MAL2: variants seen among roughly 807,000 people sequenced by gnomAD.
MAL2 encodes the protein protein MAL2.
A neutral mutation model predicts 18.1 loss-of-function variants in MAL2; 17 were observed. The ratio of observed to expected loss-of-function variants is 0.94; its 90% CI spans 0.64 to 1.41. The LOEUF is 1.41. Ranked by LOEUF, MAL2 falls within the 40% of genes most tolerant of loss-of-function variation. The pLI, the probability that MAL2 is intolerant of heterozygous loss-of-function variation, is 0.00. For missense variants in MAL2, 222 were observed against 231.9 expected, an observed-to-expected ratio of 0.96 and a Z score of 0.28; for synonymous variants, 102 against 102.3, an observed-to-expected ratio of 1.00 and a Z score of 0.02.
At chr8:119,218,526 T>A (rs1817397925) in intron 1 of MAL2, among the ~76,000 whole-genome samples, 1 of 152,140 alleles carries the variant, frequency 6.6e-6, no homozygotes, top group Non-Finnish European at 1.5e-5. Flanking sequence ...CAGAACACAC[T>A]GTGTTGAGCT....
Position 119,208,771 on chromosome 8 carries a change from C to T in MAL2, c.132+167C>T. The T allele has an allele frequency of 9.3e-7, 1 of 1,079,456 alleles. No individual in the cohort carries two copies. Among genetic ancestry groups the T allele is most frequent in the Non-Finnish European group, 1.2e-6 (1 of 853,180 alleles). The allele number at this position is 1,079,456 out of a possible 1,614,324, so 66.9% of individuals were successfully genotyped here. On this transcript the variant is annotated intron_variant, in intron 1 of 3. Transcript: ENST00000614891. This position sits in a 1 kb window ranked among gnomAD's most constrained non-coding sequence, Gnocchi z 4.3. ...TCCTCTCGGTGCCCCGCGCCGCCGCCCGGGCCCTCCCTCCTAGCACCTGTT... is the reference window on the plus strand; with the variant it reads ...TCCTCTCGGTGCCCCGCGCCGCCGCTCGGGCCCTCCCTCCTAGCACCTGTT...
chr8:119,217,301 T>C (rs1399686022), intron 1 of MAL2, among the ~76,000 whole-genome samples: 1 of 152,204 alleles, frequency 6.6e-6, no homozygotes. Context: ...GTTTTAGGAA[T>C]GTGTAGCAAT....
In MAL2 at chr8:119,232,483, A is replaced by G. The variant is rs574214679; in HGVS notation, c.304-7682A>G. ...GTGTTGATGGTATATTAATTCAGGT[A>G]AGACAATATGAACTGTAATAGTGTT... On this transcript the variant is annotated intron_variant, in intron 2 of 3. Transcript: ENST00000614891. Among the ~76,000 whole-genome samples the G allele has an allele frequency of 1.8e-3, 270 of 152,328 alleles. 1 individual carries two copies. Among genetic ancestry groups the G allele is most frequent in the Non-Finnish European group, 3.4e-3 (232 of 68,006 alleles).
chr8:119,237,827 A>G (rs1817943858), intron 2 of MAL2, among the ~76,000 whole-genome samples: 1 of 152,092 alleles, frequency 6.6e-6, no homozygotes, highest in African/African-American at 2.4e-5. Flanking sequence ...CCCACAGCCA[A>G]TATCATACTG....
intron 2 of MAL2, among the ~76,000 whole-genome samples, chr8:119,235,063 A>T (rs1256092530): frequency 2.6e-5 from 4 of 151,674 alleles, no homozygotes; most frequent in Non-Finnish European, 5.9e-5. Flanking sequence ...AACTTTGAAA[A>T]AAATTTAGAA....
Position 119,242,602 on chromosome 8 carries a change from A to G in MAL2, c.460-815A>G, listed in dbSNP as rs1233217149. Among the ~76,000 whole-genome samples the G allele has an allele frequency of 3.9e-5, 6 of 152,322 alleles. No homozygotes were observed. In the East Asian group the frequency reaches 9.7e-4, roughly 25 times the overall value. On this transcript the variant is annotated intron_variant, in intron 3 of 3. Transcript: ENST00000614891. The stretch of plus-strand genomic sequence containing the variant: ...TCTAGATTAGAAATGTATCAGAGAA[A>G]AAATCAGCAGAAGAAGGGTGGAAAG...
chr8:119,228,201 CT>C (rs1817636709), intron 2 of MAL2, among the ~76,000 whole-genome samples: 1 of 152,138 alleles, frequency 6.6e-6, no homozygotes, highest in African/African-American at 2.4e-5. Context: ...GGTAACTCCT[CT>C]TCCTGCCTTT....
rs1329548055 is a variant in MAL2 at position 119,208,836 on chromosome 8, T to C, written c.132+232T>C. The C allele has an allele frequency of 7.3e-6, 4 of 544,994 alleles. No individual in the cohort carries two copies. The highest frequency in any genetic ancestry group is 1.1e-5 in the Non-Finnish European group (4 of 375,972). The allele number at this position is 544,994 out of a possible 1,614,324, so 33.8% of individuals were successfully genotyped here. On this transcript the variant is annotated intron_variant, in intron 1 of 3. Coordinates refer to ENST00000614891, the MANE Select transcript of MAL2 (RefSeq NM_052886.3). This position sits in a 1 kb window ranked among gnomAD's most constrained non-coding sequence, Gnocchi z 4.3. ...TCCCCCGCGGGCGACGGAAATTGCCTGGGGAGGGCGAGTAGGCGGCCCGGC... is the reference window on the plus strand; with the variant it reads ...TCCCCCGCGGGCGACGGAAATTGCCCGGGGAGGGCGAGTAGGCGGCCCGGC...
chr8:119,212,194 C>T (rs1427750619), intron 1 of MAL2, among the ~76,000 whole-genome samples: 2 of 152,192 alleles, frequency 1.3e-5, no homozygotes. Context: ...GATCCCTGCT[C>T]TCAATGAGCT....
At chr8:119,219,554 T>TGTGA (rs1554638071) in intron 1 of MAL2, among the ~76,000 whole-genome samples, 1 of 145,112 alleles carries the variant, frequency 6.9e-6, no homozygotes, top group African/African-American at 2.5e-5. Context: ...TGTGTGTGTG[T>TGTGA]GAGAGAGAGA....
intron 2 of MAL2, among the ~76,000 whole-genome samples, chr8:119,222,063 G>T (rs1817474433): frequency 6.6e-6 from 1 of 152,036 alleles, no homozygotes; most frequent in South Asian, 2.1e-4. Flanking sequence ...TCAAACAATT[G>T]AACAAATGCC....
At position 119,220,492 on chromosome 8, in the gene MAL2, A is replaced by G. The variant is rs75900246; in HGVS notation, c.133-1095A>G. ...ACATTCTAGCCAGAGAGAAATTTCT[A>G]AAGGCAAATCTTGACCATGCTAGTT... is the stretch of plus-strand genomic sequence containing the variant. On this transcript the variant is annotated intron_variant, in intron 1 of 3. Transcript: ENST00000614891. 1.4e-3 allele frequency among the ~76,000 whole-genome samples: 213 copies of G among 152,168 alleles called. 1 individual carries two copies. Among genetic ancestry groups the G allele is most frequent in the African/African-American group, 4.8e-3 (199 of 41,506 alleles).
intron 3 of MAL2, 134 bp from the exon 4 acceptor site, chr8:119,243,283 T>C (rs1000301155): frequency 2.7e-5 from 14 of 519,740 alleles, no homozygotes; most frequent in South Asian, 8.4e-5. Context: ...AAAAAAACAA[T>C]GTAAAATATT....
chr8:119,234,048 C>T (rs943315824), intron 2 of MAL2, among the ~76,000 whole-genome samples: 4 of 152,128 alleles, frequency 2.6e-5, no homozygotes, highest in East Asian at 1.9e-4. Flanking sequence ...TCTGAGGTAC[C>T]GGGTTCATCT....
Position 119,208,764 on chromosome 8 carries a change from C to A in MAL2, c.132+160C>A. On this transcript the variant is annotated intron_variant, in intron 1 of 3. Coordinates refer to ENST00000614891, the MANE Select transcript of MAL2 (RefSeq NM_052886.3). This position sits in a 1 kb window ranked among gnomAD's most constrained non-coding sequence, Gnocchi z 4.3. ...CCCGGGGTCCTCTCGGTGCCCCGCG[C>A]CGCCGCCCGGGCCCTCCCTCCTAGC... is the stretch of plus-strand genomic sequence containing the variant. 8.8e-7 allele frequency: 1 copy of A among 1,131,650 alleles called. No individual in the cohort carries two copies. The highest frequency in any genetic ancestry group is 1.1e-6 in the Non-Finnish European group (1 of 900,810). 70.1% of individuals were successfully genotyped at this position (1,131,650 alleles called of 1,614,324 possible).
intron 2 of MAL2, among the ~76,000 whole-genome samples, chr8:119,232,330 C>T (rs1442385701): frequency 2.6e-5 from 4 of 152,022 alleles, no homozygotes; most frequent in African/African-American, 9.7e-5. Flanking sequence ...AAACAGTCAA[C>T]AGTCATTTAA....
intron 2 of MAL2, among the ~76,000 whole-genome samples, chr8:119,230,530 G>A (rs1817697106): frequency 6.6e-6 from 1 of 152,106 alleles, no homozygotes; most frequent in Non-Finnish European, 1.5e-5. Context: ...GCATCCTTGA[G>A]CTATAAAATG....
rs751836245 is a variant in MAL2 at position 119,221,574 on chromosome 8, T to A, written c.133-13T>A. Reference sequence around the variant, plus strand: ...CTTTTAAGCAAACCAATTACCCTCTTTTTCTCTTTCAGCTGTTCGGGGGTC... The same window carrying A: ...CTTTTAAGCAAACCAATTACCCTCTATTTCTCTTTCAGCTGTTCGGGGGTC... On this transcript the variant is annotated splice_polypyrimidine_tract_variant and intron_variant, in intron 1 of 3. Transcript: ENST00000614891. 1 of 1,613,268 alleles carries A rather than the reference T, an allele frequency of 6.2e-7. No homozygotes were observed. Among genetic ancestry groups the A allele is most frequent in the Non-Finnish European group, 8.5e-7 (1 of 1,179,586 alleles).
At chr8:119,224,002 G>C (rs1817527750) in intron 2 of MAL2, 1 of 152,168 alleles carries the variant, frequency 6.6e-6, no homozygotes, top group African/African-American at 2.4e-5. Context: ...GTTTTCTCCT[G>C]TGATAATAGT....
Sources: gnomAD v4.1 joint callset for allele counts (sites outside exome capture counted in the v4.1 genomes callset) on GRCh38, gnomAD v4.1.1 for gene constraint, Gnocchi (gnomAD v3.1) non-coding constraint, MANE v1.5 for transcripts, NCBI Gene and HGNC (gene_info 2026-07-23, HGNC 2026-07-21) for gene names.